The following USP50 variants were observed in gnomAD, a reference collection of about 807,000 sequenced individuals.
USP50 encodes the protein ubiquitin specific peptidase 50.
USP50 carries 37 observed loss-of-function variants against 39.2 expected under a neutral mutation model. That is an observed-to-expected ratio of 0.94 (90% CI 0.73 to 1.24). The LOEUF (loss-of-function observed/expected upper bound fraction) is 1.24. Ranked by LOEUF, USP50 falls within the 50% of genes most tolerant of loss-of-function variation. The pLI is 0.00. For missense variants in USP50, 374 were observed against 398.2 expected, an observed-to-expected ratio of 0.94 and a Z score of 0.52; for synonymous variants, 139 against 144.5, an observed-to-expected ratio of 0.96 and a Z score of 0.27.
chr15:50,500,500 T>A (rs1165070917), downstream of USP50: 1 of 340,824 alleles, frequency 2.9e-6, no homozygotes, highest in Non-Finnish European at 5.5e-6. Flanking sequence ...GACGACAGAT[T>A]TATCTTAAGA....
At chr15:50,506,990 A>G (rs915570303) in intron 6 of USP50, 2 of 101,454 alleles carry the variant, frequency 2.0e-5, no homozygotes, top group Non-Finnish European at 4.2e-5. Flanking sequence ...AAAAAAAAAA[A>G]TCCAGTTTTA....
chr15:50,500,027 A>C (rs1263323151), downstream of USP50: 1 of 152,164 alleles, frequency 6.6e-6, no homozygotes, highest in Non-Finnish European at 1.5e-5. Flanking sequence ...GGGTTAAAGG[A>C]GCTTATAATT....
rs542329398 is a variant in USP50 at position 50,538,546 on chromosome 15, T to G, written c.803+163A>C. ...TTATAATTGCTAAAATGGCACAGTT[T>G]TGTGTTATGCTGTATATATTTTATC... On this transcript the variant is annotated intron_variant, in intron 5 of 6. Transcript: ENST00000532404. 5.9e-5 allele frequency among the ~76,000 whole-genome samples: 9 copies of G among 152,248 alleles called. No individual in the cohort carries two copies. The South Asian group carries it at 1.9e-3, about 32-fold the overall frequency.
At chr15:50,497,768 A>C, downstream of USP50, 1 of 152,200 alleles carries the variant, frequency 6.6e-6, no homozygotes, top group East Asian at 1.9e-4. Flanking sequence ...TTTGGTCTTC[A>C]CATAATCACA....
chr15:50,508,935 C>G (rs1263531145), intron 6 of USP50: 2 of 151,506 alleles, frequency 1.3e-5, no homozygotes, highest in East Asian at 3.9e-4. Flanking sequence ...GAGATTGAGA[C>G]CATCCTGGCT....
intron 6 of USP50, chr15:50,509,423 G>C (rs772090859): frequency 6.6e-6 from 1 of 152,076 alleles, no homozygotes; most frequent in Non-Finnish European, 1.5e-5. Context: ...TGAGGCAGGC[G>C]GATCACCAGG....
chr15:50,496,366 C>T (rs574345899), downstream of USP50, among the ~76,000 whole-genome samples: 8 of 151,612 alleles, frequency 5.3e-5, no homozygotes, highest in South Asian at 4.2e-4. Context: ...CTGTAGTCCC[C>T]GCTACTCAGG....
chr15:50,531,631 G>T (rs988959053), intron 5 of USP50, among the ~76,000 whole-genome samples: 1 of 152,110 alleles, frequency 6.6e-6, no homozygotes, highest in Admixed American at 6.6e-5. Flanking sequence ...GCATGCATTT[G>T]TCAGAGTTCA....
intron 6 of USP50, chr15:50,508,509 ACTTATAT>A (rs1349722552): frequency 6.6e-6 from 1 of 152,214 alleles, no homozygotes; most frequent in Non-Finnish European, 1.5e-5. Context: ...AGTTTTAAAT[ACTTATAT>A]CTTAAAGGAT....
intron 6 of USP50, among the ~76,000 whole-genome samples, chr15:50,518,875 C>T (rs1489562242): frequency 2.0e-5 from 3 of 152,082 alleles, no homozygotes; most frequent in African/African-American, 7.2e-5. Flanking sequence ...GAAGAGACAA[C>T]CTGTAAAATG....
downstream of USP50, chr15:50,495,851 G>A (rs777302105): frequency 6.8e-6 from 11 of 1,608,486 alleles, no homozygotes; most frequent in South Asian, 6.6e-5. Context: ...TTTCCAGGCT[G>A]ATAATCGGAA....
At chr15:50,536,642 A>G (rs1361929899) in intron 5 of USP50, among the ~76,000 whole-genome samples, 2 of 152,200 alleles carry the variant, frequency 1.3e-5, no homozygotes, top group Admixed American at 6.5e-5. Flanking sequence ...CTCCATCTCA[A>G]AAAAATTTTA....
At chr15:50,527,219 T>A (rs1217567979) in intron 6 of USP50, among the ~76,000 whole-genome samples, 1 of 152,154 alleles carries the variant, frequency 6.6e-6, no homozygotes, top group African/African-American at 2.4e-5. Flanking sequence ...TTTTTCTTTT[T>A]TCTGAGACGG....
chr15:50,532,236 A>G (rs2052946893), intron 5 of USP50: 2 of 456,126 alleles, frequency 4.4e-6, no homozygotes, highest in South Asian at 3.1e-5. Context: ...TTCTGGCAAG[A>G]AGAAGGGAAA....
intron 6 of USP50, chr15:50,506,750 G>C (rs1206314440): frequency 6.6e-6 from 1 of 151,570 alleles, no homozygotes; most frequent in South Asian, 2.1e-4. Context: ...ACGAGGTCAG[G>C]AGATCAAGAC....
At chr15:50,527,656 T>C (rs1411604900) in intron 6 of USP50, among the ~76,000 whole-genome samples, 1 of 151,696 alleles carries the variant, frequency 6.6e-6, no homozygotes, top group Admixed American at 6.6e-5. Context: ...TTTTTTTTTT[T>C]TGAGACCGAG....
intron 2 of USP50, 106 bp downstream of exon 2, chr15:50,544,481 A>G: frequency 9.1e-7 from 1 of 1,097,900 alleles, no homozygotes; most frequent in Non-Finnish European, 1.3e-6. Flanking sequence ...ACCTCTACTG[A>G]CTTGTTTGTT....
chr15:50,498,688 C>T, downstream of USP50: 1 of 1,612,132 alleles, frequency 6.2e-7, no homozygotes, highest in East Asian at 2.2e-5. Flanking sequence ...GTTATTGGTC[C>T]AAAGAACAAT....
At chr15:50,525,431 G>A (rs1017448097) in intron 6 of USP50, among the ~76,000 whole-genome samples, 5 of 151,286 alleles carry the variant, frequency 3.3e-5, no homozygotes, top group African/African-American at 9.7e-5. Context: ...GTGAGGTGAG[G>A]AATATGTTAG....
Sources: allele counts gnomAD v4.1 joint callset (sites outside exome capture counted in the v4.1 genomes callset), GRCh38; gene constraint gnomAD v4.1.1; transcripts MANE v1.5; gene names NCBI Gene and HGNC (gene_info 2026-07-23, HGNC 2026-07-21).